Variants in STK32C observed in about 807,000 individuals in gnomAD.
STK32C encodes the protein serine/threonine-protein kinase 32C.
STK32C carries 31 observed loss-of-function variants against 56.5 expected under a neutral mutation model. The ratio of observed to expected loss-of-function variants is 0.55; its 90% CI spans 0.41 to 0.74. STK32C has a LOEUF of 0.74. STK32C is among the 30% of genes least tolerant of loss of function. The pLI is 0.00. For synonymous variants in STK32C, 309 were observed against 289.4 expected (o/e 1.07, Z -0.69); for missense variants, 544 against 676.9 (o/e 0.80, Z 2.18).
Position 132,255,112 on chromosome 10 carries a change from C to T in STK32C, c.263-9157G>A, listed in dbSNP as rs910204451. 2.0e-5 allele frequency among the ~76,000 whole-genome samples: 3 copies of T among 152,190 alleles called. No homozygotes were observed. The highest frequency in any genetic ancestry group is 4.8e-5 in the African/African-American group (2 of 41,432). ...GCTGTCACAAAGATCAAATGTCACA[C>T]GTGGTTGAAACACACGCAGAAGTTG... On this transcript the variant is annotated intron_variant, in intron 1 of 11. Coordinates refer to ENST00000298630, the MANE Select transcript of STK32C (RefSeq NM_173575.4). The surrounding 1 kb of genome is among the most constrained non-coding windows in gnomAD (Gnocchi z 4.6).
chr10:132,272,054 C>T (rs1297157741), intron 1 of STK32C, among the ~76,000 whole-genome samples: 7 of 152,234 alleles, frequency 4.6e-5, no homozygotes, highest in East Asian at 3.9e-4. Context: ...CTGCAAGCCC[C>T]GGCAGGGTAG....
upstream of STK32C, among the ~76,000 whole-genome samples, chr10:132,308,817 T>C (rs1482831387): frequency 1.3e-5 from 2 of 152,296 alleles, no homozygotes; most frequent in Admixed American, 6.5e-5. Context: ...CCTCTGCCCC[T>C]GCGCAGGGCC....
At chr10:132,260,788 G>A (rs978366045) in intron 1 of STK32C, among the ~76,000 whole-genome samples, 6 of 152,336 alleles carry the variant, frequency 3.9e-5, no homozygotes, top group East Asian at 1.9e-4. Context: ...GGAGAGGGGC[G>A]AGACAGGGCC....
At chr10:132,329,080 T>G (rs980308853) in intron 1 of STK32C, among the ~76,000 whole-genome samples, 1 of 152,098 alleles carries the variant, frequency 6.6e-6, no homozygotes, top group Non-Finnish European at 1.5e-5. Context: ...CCAGGGGAGA[T>G]GAAAACAATA....
chr10:132,324,239 C>T (rs568901504), exon 2 of STK32C: 4 of 779,774 alleles, frequency 5.1e-6, no homozygotes, highest in African/African-American at 3.4e-5. Context: ...ATTCATTACA[C>T]ACCCCCTCTT....
intron 1 of STK32C, among the ~76,000 whole-genome samples, chr10:132,269,552 G>C (rs1429753882): frequency 6.6e-6 from 1 of 152,228 alleles, no homozygotes; most frequent in African/African-American, 2.4e-5. Context: ...CAGCGCCTCT[G>C]GGCTGGCTGC....
intron 8 of STK32C, among the ~76,000 whole-genome samples, chr10:132,223,841 G>A (rs2062774578): frequency 6.6e-6 from 1 of 152,194 alleles, no homozygotes; most frequent in African/African-American, 2.4e-5. Context: ...TCGGAACAGG[G>A]AGCTGTGCAG....
Position 132,207,859 on chromosome 10 carries a change from G to C in STK32C, c.*151C>G. The C allele has an allele frequency of 1.1e-6, 1 of 947,474 alleles. No individual in the cohort carries two copies. Among genetic ancestry groups the C allele is most frequent in the East Asian group, 3.3e-5 (1 of 30,452 alleles). 58.7% of individuals were successfully genotyped at this position (947,474 alleles called of 1,614,324 possible). A position where few individuals can be genotyped will look rare whatever the true frequency, so the allele number is the denominator to read the frequency against. The stretch of plus-strand genomic sequence containing the variant: ...AGCCTCTTGTCCCCTGCACCACCAC[G>C]AGCCTGAGGTGTGAAATGTGTCCGG... On this transcript the variant is annotated 3_prime_UTR_variant, in exon 12 of 12. Coordinates refer to ENST00000298630, the MANE Select transcript of STK32C (RefSeq NM_173575.4).
At chr10:132,276,580 G>A (rs533851380) in intron 1 of STK32C, among the ~76,000 whole-genome samples, 103 of 151,998 alleles carry the variant, frequency 6.8e-4, no homozygotes, top group Middle Eastern at 6.8e-3. Context: ...CCAGGAGTGT[G>A]AGACCAGCCT....
chr10:132,214,864 A>G (rs1339610055), intron 10 of STK32C, among the ~76,000 whole-genome samples: 2 of 152,252 alleles, frequency 1.3e-5, no homozygotes, highest in East Asian at 3.8e-4. Context: ...ATATTTCAAA[A>G]AGAAGTATAA....
intron 10 of STK32C, among the ~76,000 whole-genome samples, chr10:132,212,075 G>T (rs2062322423): frequency 6.6e-6 from 1 of 152,080 alleles, no homozygotes; most frequent in South Asian, 2.1e-4. Context: ...CCACAAACCT[G>T]CTTGGCAGCT....
chr10:132,304,710 T>A (rs2066005880), intron 1 of STK32C, among the ~76,000 whole-genome samples: 1 of 152,214 alleles, frequency 6.6e-6, no homozygotes, highest in African/African-American at 2.4e-5. Flanking sequence ...GCTTTCATAA[T>A]TAGGAAAAAA....
At chr10:132,281,849 C>A (rs906405447) in intron 1 of STK32C, among the ~76,000 whole-genome samples, 1 of 152,198 alleles carries the variant, frequency 6.6e-6, no homozygotes, top group African/African-American at 2.4e-5. Context: ...GCTGAGGCCG[C>A]GGGGCAACTT....
At chr10:132,318,884 C>T (rs1590502323) in intron 1 of STK32C, among the ~76,000 whole-genome samples, 1 of 151,190 alleles carries the variant, frequency 6.6e-6, no homozygotes, top group Non-Finnish European at 1.5e-5. Context: ...AAAAAACAGA[C>T]AATACCAAGG....
At chr10:132,294,963 C>T (rs906737066) in intron 1 of STK32C, among the ~76,000 whole-genome samples, 3 of 152,146 alleles carry the variant, frequency 2.0e-5, no homozygotes, top group East Asian at 1.9e-4. Context: ...CACTGAGGCC[C>T]GGCCAGCAGA....
At chr10:132,287,257 C>G (rs2065432888) in intron 1 of STK32C, among the ~76,000 whole-genome samples, 1 of 151,984 alleles carries the variant, frequency 6.6e-6, no homozygotes, top group African/African-American at 2.4e-5. Context: ...CTTTGGGAGG[C>G]CAAGGGAGGC....
intron 10 of STK32C, among the ~76,000 whole-genome samples, chr10:132,218,077 T>C (rs951476167): frequency 6.6e-6 from 1 of 152,024 alleles, no homozygotes; most frequent in African/African-American, 2.4e-5. Flanking sequence ...ATCCCAGCAT[T>C]TTGGGAGGCT....
chr10:132,249,046 C>T (rs1377367775), intron 1 of STK32C: 2 of 475,816 alleles, frequency 4.2e-6, no homozygotes, highest in Admixed American at 2.1e-5. Flanking sequence ...AGCCTCCCGA[C>T]TGTGCGACGG....
At chr10:132,269,379 G>C (rs915597429) in intron 1 of STK32C, among the ~76,000 whole-genome samples, 1 of 152,224 alleles carries the variant, frequency 6.6e-6, no homozygotes, top group Admixed American at 6.5e-5. Flanking sequence ...CTGAGCTGCA[G>C]GACTGAGATG....
Sources: gnomAD v4.1 joint callset for allele counts (sites outside exome capture counted in the v4.1 genomes callset) on GRCh38, gnomAD v4.1.1 for gene constraint, Gnocchi (gnomAD v3.1) non-coding constraint, MANE v1.5 for transcripts, NCBI Gene and HGNC (gene_info 2026-07-23, HGNC 2026-07-21) for gene names.